The following PCDHGB4 variants were observed in gnomAD, a reference collection of about 807,000 sequenced individuals.
PCDHGB4 encodes the protein protocadherin gamma subfamily B, 4.
Under a neutral mutation model 60.5 loss-of-function variants are expected in PCDHGB4, and 38 were observed. The ratio of observed to expected loss-of-function variants is 0.63; its 90% CI spans 0.48 to 0.82. The LOEUF (loss-of-function observed/expected upper bound fraction) is 0.82, where lower values mean the gene tolerates loss of function less well. Ranked by LOEUF, PCDHGB4 falls within the 40% of genes least tolerant of loss-of-function variation. The pLI is 0.00. For synonymous variants in PCDHGB4, 456 were observed against 509.7 expected, an observed-to-expected ratio of 0.89 and a Z score of 1.42; for missense variants, 1,109 against 1,209.6, an observed-to-expected ratio of 0.92 and a Z score of 1.23.
rs200464357 is a variant in PCDHGB4 at position 141,489,983 on chromosome 5, G to A, written c.2398-4824G>A. 4.5e-5 allele frequency: 73 copies of A among 1,614,172 alleles called. No homozygotes were observed. Among genetic ancestry groups the A allele is most frequent in the Middle Eastern group, 3.3e-4 (2 of 6,062 alleles). ...CCAACCTTCCAATCCTCAGTTCTAC[G>A]TGTGGGAATCCCAGAGAATGCACCC... On this transcript the variant is annotated intron_variant, in intron 1 of 3. Coordinates refer to ENST00000519479, the MANE Select transcript of PCDHGB4 (RefSeq NM_003736.4). This position sits in a 1 kb window ranked among gnomAD's most constrained non-coding sequence, Gnocchi z 4.5.
chr5:141,472,994 AAAAG>A (rs1425445230), intron 1 of PCDHGB4, among the ~76,000 whole-genome samples: 7 of 151,692 alleles, frequency 4.6e-5, no homozygotes, highest in African/African-American at 1.7e-4. Context: ...AAAAAAAAAA[AAAAG>A]AAAGAAAAAG....
intron 3 of PCDHGB4, 61 bp downstream of exon 3, chr5:141,505,542 A>C: frequency 2.6e-5 from 42 of 1,604,950 alleles, no homozygotes; most frequent in Non-Finnish European, 3.2e-5. Flanking sequence ...GGTGCATCTC[A>C]CAGCCACCAT....
Position 141,485,741 on chromosome 5 carries a change from C to A in PCDHGB4, c.2398-9066C>A. 6.2e-7 allele frequency: 1 copy of A among 1,614,180 alleles called. No homozygotes were observed. Among genetic ancestry groups the A allele is most frequent in the Non-Finnish European group, 8.5e-7 (1 of 1,179,992 alleles). On this transcript the variant is annotated intron_variant, in intron 1 of 3. Coordinates refer to ENST00000519479, the MANE Select transcript of PCDHGB4 (RefSeq NM_003736.4). This position sits in a 1 kb window ranked among gnomAD's most constrained non-coding sequence, Gnocchi z 5.7. ...TGTGAAGAAGCGCAGCGACGGCAGC[C>A]TGGTCCCAGAGCTGCTCCTGGAGAA...
intron 1 of PCDHGB4, chr5:141,409,837 C>T (rs182654621): frequency 2.2e-5 from 36 of 1,611,350 alleles, no homozygotes; most frequent in Non-Finnish European, 2.9e-5. Context: ...TCAGCGCCAA[C>T]GTGAGCCTGC....
Position 141,491,324 on chromosome 5 carries a change from T to C in PCDHGB4, c.2398-3483T>C, listed in dbSNP as rs762200164. 16 of 1,614,060 alleles carry C rather than the reference T, an allele frequency of 9.9e-6. No homozygotes were observed. The highest frequency in any genetic ancestry group is 8.3e-5 in the Admixed American group (5 of 60,010). On this transcript the variant is annotated intron_variant, in intron 1 of 3. Transcript: ENST00000519479. This position sits in a 1 kb window ranked among gnomAD's most constrained non-coding sequence, Gnocchi z 6.9. ...CGTTCAGACCTTACCCTTTACCTCA[T>C]TGTGGCTCTAGCGACCGTCAGTCTC...
chr5:141,401,508 C>G (rs2094162050), intron 1 of PCDHGB4, among the ~76,000 whole-genome samples: 1 of 152,302 alleles, frequency 6.6e-6, no homozygotes, highest in East Asian at 1.9e-4. Flanking sequence ...TTTTCCACCT[C>G]TATATAATTA....
In PCDHGB4 at chr5:141,432,076, G is replaced by A. The variant is rs1442341840; in HGVS notation, c.2397+41795G>A. The A allele has an allele frequency of 1.2e-6, 2 of 1,614,160 alleles. No homozygotes were observed. Among genetic ancestry groups the A allele is most frequent in the East Asian group, 2.2e-5 (1 of 44,872 alleles). On this transcript the variant is annotated intron_variant, in intron 1 of 3. Coordinates refer to ENST00000519479, the MANE Select transcript of PCDHGB4 (RefSeq NM_003736.4). This position sits in a 1 kb window ranked among gnomAD's most constrained non-coding sequence, Gnocchi z 6.0. ...CCCTATCCACGGAAACTCATATCTCGCTGAACGTGGCAGACACCAACGACA... is the reference window on the plus strand; with the variant it reads ...CCCTATCCACGGAAACTCATATCTCACTGAACGTGGCAGACACCAACGACA...
intron 2 of PCDHGB4, among the ~76,000 whole-genome samples, chr5:141,498,573 A>G (rs7725519): frequency 0.52 from 78,890 of 151,684 alleles, 21,175 homozygotes; most frequent in African/African-American, 0.65. Flanking sequence ...CAGGGCTAGT[A>G]TTGAGTTCTT....
chr5:141,429,105 C>A (rs936114624), intron 1 of PCDHGB4: 2 of 152,318 alleles, frequency 1.3e-5, no homozygotes, highest in African/African-American at 4.8e-5. Flanking sequence ...CTGCCCGCCT[C>A]GGCCTCCCAA....
chr5:141,421,397 C>T, intron 1 of PCDHGB4: 1 of 1,614,030 alleles, frequency 6.2e-7, no homozygotes, highest in Non-Finnish European at 8.5e-7. Context: ...GGGCTGGAGC[C>T]CCGGGAGCTG....
At chr5:141,392,593 C>G (rs986653235) in intron 1 of PCDHGB4, 2 of 494,194 alleles carry the variant, frequency 4.0e-6, no homozygotes, top group Non-Finnish European at 7.1e-6. Context: ...CCGCTGTTCA[C>G]CTACTGGAAG....
Position 141,490,089 on chromosome 5 carries a change from C to G in PCDHGB4, c.2398-4718C>G. On this transcript the variant is annotated intron_variant, in intron 1 of 3. Transcript: ENST00000519479. This position sits in a 1 kb window ranked among gnomAD's most constrained non-coding sequence, Gnocchi z 5.4. ...GCCAACTAGACTATTCTTTTGGAGACCACACATCTGAGGCAGTGCGGAACC... is the reference window on the plus strand; with the variant it reads ...GCCAACTAGACTATTCTTTTGGAGAGCACACATCTGAGGCAGTGCGGAACC... 1 of 1,614,232 alleles carries G rather than the reference C, an allele frequency of 6.2e-7. No homozygotes were observed. The highest frequency in any genetic ancestry group is 8.5e-7 in the Non-Finnish European group (1 of 1,180,026).
chr5:141,388,397 A>C lies in PCDHGB4; in HGVS notation c.513A>C (p.Gln171His). ...DIGSNTLQNYQLSPSDHFSLI... is the reference protein window; with the variant it reads ...DIGSNTLQNYHLSPSDHFSLI... ...GTAGCAACACACTGCAGAATTACCA[A>C]CTCAGTCCCAGTGATCATTTCTCAC... The change falls in exon 1 of 4, where the codon CAA becomes CAC. Residue 171 changes from glutamine (Q) to histidine (H), a missense_variant. Transcript: ENST00000519479. The C allele has an allele frequency of 6.2e-7, 1 of 1,613,956 alleles. No homozygotes were observed. The highest frequency in any genetic ancestry group is 8.5e-7 in the Non-Finnish European group (1 of 1,179,888).
Position 141,389,439 on chromosome 5 carries a change from G to A in PCDHGB4, c.1555G>A (p.Asp519Asn). Reference sequence around the variant, plus strand: ...GGTGGTGTTCGCGCAGCGCGCCTTCGACCACGAGCAGCTGCGCGCCTTCGA... The same window carrying A: ...GGTGGTGTTCGCGCAGCGCGCCTTCAACCACGAGCAGCTGCGCGCCTTCGA... ...SGVVFAQRAF[D>N]HEQLRAFELT... The change falls in exon 1 of 4, where the codon GAC becomes AAC. Residue 519 changes from aspartate to asparagine, a missense_variant. By Grantham distance (23) the Asp-to-Asn change is conservative (BLOSUM62 1). Coordinates refer to ENST00000519479, the MANE Select transcript of PCDHGB4 (RefSeq NM_003736.4). 6.2e-7 allele frequency: 1 copy of A among 1,610,580 alleles called. No homozygotes were observed.
intron 3 of PCDHGB4, chr5:141,507,010 G>A (rs371780810): frequency 1.3e-5 from 2 of 152,324 alleles, no homozygotes; most frequent in East Asian, 1.9e-4. Flanking sequence ...TGAGAGAACC[G>A]AGAAGGCACT....
At chr5:141,457,537 T>A (rs967428207) in intron 1 of PCDHGB4, among the ~76,000 whole-genome samples, 2 of 152,228 alleles carry the variant, frequency 1.3e-5, no homozygotes, top group Admixed American at 6.5e-5. Flanking sequence ...TAGGGTTTAA[T>A]GACAAATGTA....
intron 1 of PCDHGB4, chr5:141,410,037 G>A: frequency 1.2e-6 from 2 of 1,613,250 alleles, no homozygotes; most frequent in Non-Finnish European, 1.7e-6. Flanking sequence ...CTGCAGGCCA[G>A]TGAGCCCGGA....
rs1337141924 is a variant in PCDHGB4, at chr5:141,512,916, CTAATATT to C, written c.*1746_*1752del. On this transcript the variant is annotated 3_prime_UTR_variant, in exon 4 of 4. Coordinates refer to ENST00000519479, the MANE Select transcript of PCDHGB4 (RefSeq NM_003736.4). The stretch of plus-strand genomic sequence containing the variant: ...CTGTGTCTCACGCAAGTTTTATACT[CTAATATT>C]TATATGGCTTTTTTTCTTCGACAAA... The C allele has an allele frequency of 1.3e-5, 2 of 152,206 alleles. No homozygotes were observed. Among genetic ancestry groups the C allele is most frequent in the Non-Finnish European group, 2.9e-5 (2 of 68,046 alleles). The allele number at this position is 152,206 out of a possible 1,614,324, so 9.4% of individuals were successfully genotyped here.
intron 1 of PCDHGB4, among the ~76,000 whole-genome samples, chr5:141,450,816 T>C (rs960010807): frequency 7.9e-6 from 1 of 126,568 alleles, no homozygotes; most frequent in Non-Finnish European, 1.6e-5. Context: ...ATTTATTTAA[T>C]ATTATTATTA....
Sources: gnomAD v4.1 joint callset for allele counts (sites outside exome capture counted in the v4.1 genomes callset) on GRCh38, gnomAD v4.1.1 for gene constraint, Gnocchi (gnomAD v3.1) non-coding constraint, MANE v1.5 for transcripts, NCBI Gene and HGNC (gene_info 2026-07-23, HGNC 2026-07-21) for gene names.